ATP2B2: variants seen among roughly 807,000 people sequenced by gnomAD.
The protein encoded by ATP2B2 is ATPase plasma membrane Ca2+ transporting 2.
In ATP2B2, 15 loss-of-function variants were observed where a neutral mutation model predicts 120.0. That is an observed-to-expected ratio of 0.12 (90% CI 0.08 to 0.19). The LOEUF is 0.19. ATP2B2 is among the 10% of genes least tolerant of loss of function. The probability of loss-of-function intolerance (pLI) is 1.00; values close to 1 mark genes in which losing one functional copy is unlikely to be tolerated. For synonymous variants in ATP2B2, 694 were observed against 700.3 expected, an observed-to-expected ratio of 0.99 and a Z score of 0.14; for missense variants, 1,045 against 1,719.8, an observed-to-expected ratio of 0.61 and a Z score of 6.94.
At chr3:10,443,911 C>T (rs1323957310) in intron 2 of ATP2B2, among the ~76,000 whole-genome samples, 1 of 152,158 alleles carries the variant, frequency 6.6e-6, no homozygotes, top group African/African-American at 2.4e-5. Flanking sequence ...CTGAGGTTGT[C>T]GGAGACTAAG....
intron 14 of ATP2B2, among the ~76,000 whole-genome samples, chr3:10,350,801 G>A (rs139216952): frequency 1.4e-3 from 220 of 152,342 alleles, no homozygotes; most frequent in African/African-American, 4.3e-3. Context: ...AAACCCTGAT[G>A]TGGTTCTCAT....
chr3:10,629,363 TA>T (rs1436524664), intron 1 of ATP2B2, among the ~76,000 whole-genome samples: 9 of 149,030 alleles, frequency 6.0e-5, no homozygotes, highest in African/African-American at 2.1e-4. Flanking sequence ...ATTATCTGGG[TA>T]CATACATTAT....
intron 1 of ATP2B2, among the ~76,000 whole-genome samples, chr3:10,461,395 A>T (rs2064483013): frequency 6.6e-6 from 1 of 152,210 alleles, no homozygotes; most frequent in African/African-American, 2.4e-5. Flanking sequence ...AGGAAAATCA[A>T]AAGGCCAGGA....
intron 1 of ATP2B2, among the ~76,000 whole-genome samples, chr3:10,654,291 G>C (rs570661072): frequency 6.6e-6 from 1 of 152,238 alleles, no homozygotes; most frequent in South Asian, 2.1e-4. Context: ...CCCCACACTA[G>C]ACTGTGAGCT....
chr3:10,628,334 T>C (rs188913453), intron 1 of ATP2B2, among the ~76,000 whole-genome samples: 2 of 150,656 alleles, frequency 1.3e-5, no homozygotes, highest in African/African-American at 2.5e-5. Flanking sequence ...CATGCCACCA[T>C]CCAGGCAAGA....
chr3:10,585,791 C>T (rs569597426), intron 2 of ATP2B2, among the ~76,000 whole-genome samples: 2 of 152,272 alleles, frequency 1.3e-5, no homozygotes, highest in Admixed American at 6.5e-5. Context: ...CTCCCTAATG[C>T]TTTTCCCCTC....
intron 1 of ATP2B2, among the ~76,000 whole-genome samples, chr3:10,469,593 C>T (rs2064896203): frequency 6.6e-6 from 1 of 152,238 alleles, no homozygotes. Context: ...CACACTTAGG[C>T]TGCAGACTTC....
chr3:10,437,020 A>G (rs1005365940), intron 2 of ATP2B2, among the ~76,000 whole-genome samples: 1 of 152,220 alleles, frequency 6.6e-6, no homozygotes, highest in East Asian at 1.9e-4. Flanking sequence ...AATGTCCCAA[A>G]GGCACGTGGA....
intron 3 of ATP2B2, among the ~76,000 whole-genome samples, chr3:10,513,838 G>C (rs1348530661): frequency 6.6e-6 from 1 of 152,090 alleles, no homozygotes; most frequent in Non-Finnish European, 1.5e-5. Flanking sequence ...TCCCTCCAGG[G>C]GCTGGGAAGT....
At chr3:10,679,996 C>T (rs2071343586) in intron 1 of ATP2B2, among the ~76,000 whole-genome samples, 1 of 152,150 alleles carries the variant, frequency 6.6e-6, no homozygotes, top group Admixed American at 6.5e-5. Context: ...CACGAGGGAT[C>T]TTTGTCTGTT....
At chr3:10,381,385 T>C (rs1318147257) in intron 8 of ATP2B2, among the ~76,000 whole-genome samples, 2 of 152,218 alleles carry the variant, frequency 1.3e-5, no homozygotes, top group African/African-American at 4.8e-5. Context: ...TCCACTTCAA[T>C]AGTTGGTTTT....
At chr3:10,491,881 A>G (rs1354407942) in intron 1 of ATP2B2, among the ~76,000 whole-genome samples, 1 of 152,246 alleles carries the variant, frequency 6.6e-6, no homozygotes, top group Non-Finnish European at 1.5e-5. Flanking sequence ...AGGACTTCCA[A>G]TAAAACTATG....
intron 2 of ATP2B2, among the ~76,000 whole-genome samples, chr3:10,560,327 A>G (rs558673528): frequency 6.6e-6 from 1 of 152,284 alleles, no homozygotes; most frequent in East Asian, 1.9e-4. Context: ...TCCTCCCAGG[A>G]CGGATGGAGC....
At chr3:10,401,580 C>T (rs1161165377) in intron 4 of ATP2B2, among the ~76,000 whole-genome samples, 1 of 152,176 alleles carries the variant, frequency 6.6e-6, no homozygotes, top group Non-Finnish European at 1.5e-5. Context: ...ATATCTGGCT[C>T]AAACTCCCTT....
chr3:10,339,801 T>C (rs2125365198), intron 21 of ATP2B2, among the ~76,000 whole-genome samples: 1 of 152,254 alleles, frequency 6.6e-6, no homozygotes, highest in Non-Finnish European at 1.5e-5. Context: ...CACTGATTCA[T>C]CTCCCTTCCT....
At chr3:10,643,178 A>G (rs1193371979) in intron 1 of ATP2B2, among the ~76,000 whole-genome samples, 1 of 152,204 alleles carries the variant, frequency 6.6e-6, no homozygotes, top group Non-Finnish European at 1.5e-5. Context: ...GTGAGCACCA[A>G]AATAATTAAT....
chr3:10,678,028 C>T (rs1479118649), intron 1 of ATP2B2, among the ~76,000 whole-genome samples: 1 of 152,174 alleles, frequency 6.6e-6, no homozygotes, highest in Non-Finnish European at 1.5e-5. Flanking sequence ...GGTCACACAG[C>T]TGGCAACAGA....
intron 14 of ATP2B2, among the ~76,000 whole-genome samples, chr3:10,351,968 C>G (rs1293955208): frequency 6.6e-6 from 1 of 152,240 alleles, no homozygotes; most frequent in Non-Finnish European, 1.5e-5. Flanking sequence ...AGACAGCAAA[C>G]TGCTCTTGAG....
At chr3:10,554,511 T>C (rs2067737622) in intron 2 of ATP2B2, among the ~76,000 whole-genome samples, 1 of 152,150 alleles carries the variant, frequency 6.6e-6, no homozygotes, top group South Asian at 2.1e-4. Context: ...ATTCAGTGTC[T>C]GTGAATCAAG....
Sources: allele counts gnomAD v4.1 joint callset (sites outside exome capture counted in the v4.1 genomes callset), GRCh38; gene constraint gnomAD v4.1.1; transcripts MANE v1.5; gene names NCBI Gene and HGNC (gene_info 2026-07-23, HGNC 2026-07-21).